SDK1: variants seen among roughly 807,000 people sequenced by gnomAD.
SDK1 encodes sidekick cell adhesion molecule 1, also known as protein sidekick-1.
Under a neutral mutation model 245.5 loss-of-function variants are expected in SDK1, and 157 were observed. The observed-to-expected ratio is 0.64, with a 90% CI of 0.56 to 0.73. The LOEUF (loss-of-function observed/expected upper bound fraction) is 0.73. SDK1 is among the 30% of genes least tolerant of loss of function. The probability of loss-of-function intolerance (pLI) is 0.00; values close to 1 mark genes in which losing one functional copy is unlikely to be tolerated. For missense variants in SDK1, 3,583 were observed against 3,002.3 expected (o/e 1.19, Z -4.52); for synonymous variants, 1,647 against 1,278.5 (o/e 1.29, Z -6.15).
chr7:3,477,932 T>G (rs1781397169), intron 1 of SDK1, among the ~76,000 whole-genome samples: 1 of 152,198 alleles, frequency 6.6e-6, no homozygotes, highest in Admixed American at 6.5e-5. Flanking sequence ...ATACAGTGTT[T>G]TGTCCTATGG....
At chr7:3,538,201 T>C (rs956850268) in intron 1 of SDK1, among the ~76,000 whole-genome samples, 9 of 152,300 alleles carry the variant, frequency 5.9e-5, no homozygotes, top group East Asian at 1.9e-4. Flanking sequence ...GCAATTACAT[T>C]GGCCATTTGT....
At chr7:4,108,441 A>T (rs870907) in intron 22 of SDK1, among the ~76,000 whole-genome samples, 72,654 of 150,992 alleles carry the variant, frequency 0.48, 18,477 homozygotes, top group African/African-American at 0.65. Context: ...AAGTGAGGAT[A>T]TGAGGGTTTT....
At chr7:3,831,223 T>A (rs185280947) in intron 5 of SDK1, among the ~76,000 whole-genome samples, 19 of 152,348 alleles carry the variant, frequency 1.2e-4, no homozygotes, top group African/African-American at 4.3e-4. Context: ...AGTTGCTAGT[T>A]GTAAATGTAC....
At chr7:3,499,099 C>G (rs1259193151) in intron 1 of SDK1, among the ~76,000 whole-genome samples, 1 of 152,182 alleles carries the variant, frequency 6.6e-6, no homozygotes, top group Non-Finnish European at 1.5e-5. Flanking sequence ...TGTGCCCTTT[C>G]TACAACTCTT....
intron 4 of SDK1, among the ~76,000 whole-genome samples, chr7:3,741,101 C>G (rs536811110): frequency 6.6e-6 from 1 of 152,334 alleles, no homozygotes; most frequent in African/African-American, 2.4e-5. Flanking sequence ...TTGGCCACAT[C>G]TCCTTGAAAA....
chr7:4,137,892 A>G (rs529185012), intron 28 of SDK1, among the ~76,000 whole-genome samples: 16 of 152,304 alleles, frequency 1.1e-4, no homozygotes, highest in East Asian at 9.6e-4. Flanking sequence ...AAATGCAAGG[A>G]CTGCTACTCA....
At chr7:4,182,862 A>C (rs928168272) in intron 35 of SDK1, among the ~76,000 whole-genome samples, 9 of 152,132 alleles carry the variant, frequency 5.9e-5, no homozygotes, top group African/African-American at 2.2e-4. Context: ...CACACAAGGG[A>C]ATGTAACCGC....
intron 4 of SDK1, 135 bp downstream of exon 4, chr7:3,642,240 T>A (rs2128652299): frequency 1.4e-6 from 1 of 713,906 alleles, no homozygotes; most frequent in Non-Finnish European, 2.2e-6. Context: ...CCTATCCTAA[T>A]TTTTAATAAA....
rs1781902375 is a variant in SDK1, at chr7:3,396,611, C to CT, written c.298+94731dup. ...AATTACCCTCTTATTATAAAATTTC[C>CT]TTTTCTTTCTAGTAACAATTTTTGT... On this transcript the variant is annotated intron_variant, in intron 1 of 44. Coordinates refer to ENST00000404826, the MANE Select transcript of SDK1 (RefSeq NM_152744.4). Among the ~76,000 whole-genome samples the CT allele has an allele frequency of 4.0e-5, 6 of 151,038 alleles. 2 individuals carry two copies. The highest frequency in any genetic ancestry group is 1.5e-4 in the African/African-American group (6 of 41,066).
intron 1 of SDK1, among the ~76,000 whole-genome samples, chr7:3,544,719 C>A (rs1779163153): frequency 6.6e-6 from 1 of 152,252 alleles, no homozygotes; most frequent in East Asian, 1.9e-4. Flanking sequence ...ACTTACCAAC[C>A]ATAAAATCAG....
chr7:3,863,744 A>G (rs779608159), intron 5 of SDK1, among the ~76,000 whole-genome samples: 13 of 152,236 alleles, frequency 8.5e-5, no homozygotes, highest in Non-Finnish European at 1.8e-4. Flanking sequence ...GGGTTCATCC[A>G]TGTTGTAGCA....
At chr7:3,700,115 G>A (rs1253129863) in intron 4 of SDK1, among the ~76,000 whole-genome samples, 1 of 152,106 alleles carries the variant, frequency 6.6e-6, no homozygotes, top group Non-Finnish European at 1.5e-5. Flanking sequence ...CTATCCTTCA[G>A]GAATGAAGGG....
intron 4 of SDK1, among the ~76,000 whole-genome samples, chr7:3,802,429 G>C (rs1779129967): frequency 6.6e-6 from 1 of 152,130 alleles, no homozygotes; most frequent in Admixed American, 6.5e-5. Context: ...CAGCTACTCA[G>C]CAGGCTGAGG....
intron 14 of SDK1, among the ~76,000 whole-genome samples, chr7:3,988,674 T>A (rs1784059847): frequency 6.6e-6 from 1 of 152,198 alleles, no homozygotes; most frequent in South Asian, 2.1e-4. Context: ...TTCCTTCCCC[T>A]GGAAACCCAT....
intron 16 of SDK1, among the ~76,000 whole-genome samples, chr7:4,012,588 T>TTTTTTTTTTTTTTG (rs1562667403): frequency 2.5e-5 from 3 of 121,756 alleles, no homozygotes; most frequent in African/African-American, 3.7e-5. Context: ...TTTTTTTTTT[T>TTTTTTTTTTTTTTG]TTTTGATGGA....
intron 4 of SDK1, among the ~76,000 whole-genome samples, chr7:3,762,590 C>T (rs1007097908): frequency 1.8e-4 from 28 of 152,192 alleles, no homozygotes; most frequent in African/African-American, 6.3e-4. Flanking sequence ...AGCCATTCTC[C>T]ATTTCAGCAA....
chr7:3,824,084 T>A (rs1779711991), intron 5 of SDK1, among the ~76,000 whole-genome samples: 1 of 152,116 alleles, frequency 6.6e-6, no homozygotes, highest in African/African-American at 2.4e-5. Context: ...CAGTGAGGGC[T>A]CTAAGCAATG....
chr7:3,591,591 C>T (rs891418042), intron 1 of SDK1, among the ~76,000 whole-genome samples: 3 of 152,194 alleles, frequency 2.0e-5, no homozygotes, highest in East Asian at 3.8e-4. Flanking sequence ...AAAGAACATG[C>T]GACCAGTGCC....
chr7:3,501,885 A>T (rs111324261), intron 1 of SDK1, among the ~76,000 whole-genome samples: 1 of 152,176 alleles, frequency 6.6e-6, no homozygotes, highest in Non-Finnish European at 1.5e-5. Context: ...TGATTTACAG[A>T]CATTTGGAAA....
Sources: gnomAD v4.1 joint callset for allele counts (sites outside exome capture counted in the v4.1 genomes callset) on GRCh38, gnomAD v4.1.1 for gene constraint, MANE v1.5 for transcripts, NCBI Gene and HGNC (gene_info 2026-07-23, HGNC 2026-07-21) for gene names.